Variants in C8orf34 observed in about 807,000 individuals in gnomAD.
The protein encoded by C8orf34 is uncharacterized protein C8orf34.
In C8orf34, 65 loss-of-function variants were observed where a neutral mutation model predicts 68.3. That is an observed-to-expected ratio of 0.95 (90% CI 0.78 to 1.17). C8orf34 has a LOEUF of 1.17. Among genes scored for constraint, C8orf34 ranks in the 50% most tolerant of loss-of-function variants. The pLI is 0.00. For missense variants in C8orf34, 664 were observed against 655.4 expected, an observed-to-expected ratio of 1.01 and a Z score of -0.14; for synonymous variants, 244 against 241.2, an observed-to-expected ratio of 1.01 and a Z score of -0.11.
At chr8:68,772,540 C>A (rs1823371080) in intron 10 of C8orf34, among the ~76,000 whole-genome samples, 1 of 152,176 alleles carries the variant, frequency 6.6e-6, no homozygotes. Flanking sequence ...CCTCTTTGTG[C>A]CCCTTTCCCT....
intron 7 of C8orf34, among the ~76,000 whole-genome samples, chr8:68,573,412 A>G (rs73268500): frequency 0.011 from 1,748 of 152,230 alleles, 33 homozygotes; most frequent in African/African-American, 0.039. Flanking sequence ...TGAGAAATAT[A>G]CGGAACCAAC....
At chr8:68,489,423 G>GT (rs930720558) in intron 5 of C8orf34, among the ~76,000 whole-genome samples, 31 of 152,104 alleles carry the variant, frequency 2.0e-4, no homozygotes, top group Admixed American at 9.2e-4. Flanking sequence ...AATTTCAGGT[G>GT]TTTTTTTGGA....
chr8:68,644,109 A>G (rs918644049), intron 8 of C8orf34, among the ~76,000 whole-genome samples: 1 of 152,210 alleles, frequency 6.6e-6, no homozygotes, highest in Non-Finnish European at 1.5e-5. Context: ...AAATAAACTC[A>G]CAACAGGCAG....
intron 7 of C8orf34, among the ~76,000 whole-genome samples, chr8:68,613,192 A>G (rs1026778966): frequency 6.6e-6 from 1 of 152,124 alleles, no homozygotes; most frequent in Non-Finnish European, 1.5e-5. Flanking sequence ...ATTAAACTTG[A>G]TGGTACAAGA....
chr8:68,748,063 G>A (rs929832321), intron 10 of C8orf34, among the ~76,000 whole-genome samples: 5 of 149,560 alleles, frequency 3.3e-5, no homozygotes, highest in Non-Finnish European at 7.4e-5. Flanking sequence ...ACACAACAGA[G>A]CCCTCAGAAA....
intron 10 of C8orf34, among the ~76,000 whole-genome samples, chr8:68,737,289 C>A (rs1416300637): frequency 6.6e-6 from 1 of 152,066 alleles, no homozygotes; most frequent in African/African-American, 2.4e-5. Flanking sequence ...TTAATAGAAA[C>A]CTTTTTCCCA....
intron 10 of C8orf34, among the ~76,000 whole-genome samples, chr8:68,765,582 CTT>C (rs1823147873): frequency 1.3e-5 from 2 of 152,140 alleles, no homozygotes; most frequent in Non-Finnish European, 2.9e-5. Flanking sequence ...AAGTCACTCT[CTT>C]ATATATTTGG....
At chr8:68,756,473 G>A (rs575782843) in intron 10 of C8orf34, among the ~76,000 whole-genome samples, 5 of 152,194 alleles carry the variant, frequency 3.3e-5, no homozygotes, top group Non-Finnish European at 4.4e-5. Context: ...TCTGTTGATC[G>A]GAAGTGTATA....
At chr8:68,354,514 T>C (rs1806661985) in intron 1 of C8orf34, among the ~76,000 whole-genome samples, 2 of 152,124 alleles carry the variant, frequency 1.3e-5, no homozygotes, top group African/African-American at 2.4e-5. Context: ...GCTGAGAATA[T>C]TTTTATTTTG....
intron 5 of C8orf34, among the ~76,000 whole-genome samples, chr8:68,492,159 A>G (rs185209085): frequency 1.3e-5 from 2 of 152,312 alleles, no homozygotes; most frequent in African/African-American, 4.8e-5. Context: ...AATCTTATTG[A>G]AATTTTTTTC....
chr8:68,502,845 T>G (rs1813839255), intron 5 of C8orf34, among the ~76,000 whole-genome samples: 1 of 152,230 alleles, frequency 6.6e-6, no homozygotes, highest in African/African-American at 2.4e-5. Flanking sequence ...TGCCTCCAGA[T>G]GAAACGATAA....
At chr8:68,813,299 C>T (rs1372152503) in intron 12 of C8orf34, among the ~76,000 whole-genome samples, 2 of 151,888 alleles carry the variant, frequency 1.3e-5, no homozygotes, top group Admixed American at 6.6e-5. Flanking sequence ...GGCTGAATGC[C>T]TAAGTGATTT....
At chr8:68,755,264 C>T (rs1402731201) in intron 10 of C8orf34, among the ~76,000 whole-genome samples, 4 of 152,034 alleles carry the variant, frequency 2.6e-5, no homozygotes, top group Non-Finnish European at 5.9e-5. Flanking sequence ...AGTTGTATTC[C>T]GGATTATGTG....
chr8:68,558,636 C>T (rs1013330469), intron 7 of C8orf34, among the ~76,000 whole-genome samples: 18 of 151,870 alleles, frequency 1.2e-4, no homozygotes, highest in African/African-American at 4.1e-4. Flanking sequence ...AGAGAGATCA[C>T]AAGCACAGGA....
At chr8:68,584,732 C>T (rs896383330) in intron 7 of C8orf34, among the ~76,000 whole-genome samples, 25 of 152,190 alleles carry the variant, frequency 1.6e-4, no homozygotes, top group African/African-American at 5.5e-4. Context: ...CTGTAACTTC[C>T]TCTGGTCTTG....
At chr8:68,735,686 GA>G (rs1299794447) in intron 10 of C8orf34, among the ~76,000 whole-genome samples, 1 of 151,960 alleles carries the variant, frequency 6.6e-6, no homozygotes, top group African/African-American at 2.4e-5. Flanking sequence ...AGAAAGAAAA[GA>G]AAAAAACATA....
intron 1 of C8orf34, among the ~76,000 whole-genome samples, chr8:68,342,494 T>TA (rs771783599): frequency 4.7e-4 from 72 of 152,356 alleles, no homozygotes; most frequent in Non-Finnish European, 1.0e-3. Flanking sequence ...CTCAGCAGTG[T>TA]AGTAGCCCCC....
At chr8:68,769,054 T>C (rs1200151538) in intron 10 of C8orf34, among the ~76,000 whole-genome samples, 1 of 152,096 alleles carries the variant, frequency 6.6e-6, no homozygotes, top group Non-Finnish European at 1.5e-5. Context: ...ACAATCAATT[T>C]GCTAGAATAT....
Position 68,478,652 on chromosome 8 carries a change from G to A in C8orf34, c.737-9371G>A, listed in dbSNP as rs148269872. On this transcript the variant is annotated intron_variant, in intron 4 of 13. Transcript: ENST00000518698. ...AATTGATTCACAGTCCTACATGGCTGAAGAGGCCTCAGGAAACTTACAATT... is the reference window on the plus strand; with the variant it reads ...AATTGATTCACAGTCCTACATGGCTAAAGAGGCCTCAGGAAACTTACAATT... Among the ~76,000 whole-genome samples, 45 of 152,298 alleles carry A rather than the reference G, an allele frequency of 3.0e-4. 1 individual carries two copies. In the South Asian group the frequency reaches 8.7e-3, roughly 29 times the overall value.
Sources: gnomAD v4.1 joint callset for allele counts (sites outside exome capture counted in the v4.1 genomes callset) on GRCh38, gnomAD v4.1.1 for gene constraint, MANE v1.5 for transcripts, NCBI Gene and HGNC (gene_info 2026-07-23, HGNC 2026-07-21) for gene names.